CLDN16: variants seen among roughly 807,000 people sequenced by gnomAD.
CLDN16 encodes the protein claudin 16.
In CLDN16, 13 loss-of-function variants were observed where a neutral mutation model predicts 24.6. The ratio of observed to expected loss-of-function variants is 0.53; its 90% CI spans 0.34 to 0.84. CLDN16 has a LOEUF of 0.84. CLDN16 is among the 40% of genes least tolerant of loss of function. The pLI, the probability that CLDN16 is intolerant of heterozygous loss-of-function variation, is 0.01. For synonymous variants in CLDN16, 116 were observed against 106.7 expected (o/e 1.09, Z -0.54); for missense variants, 298 against 292.7 (o/e 1.02, Z -0.13).
intron 1 of CLDN16, among the ~76,000 whole-genome samples, chr3:190,329,829 G>C (rs1717144109): frequency 6.6e-6 from 1 of 152,144 alleles, no homozygotes; most frequent in Non-Finnish European, 1.5e-5. Flanking sequence ...AGGAATCTTA[G>C]AGAGGTATAG....
chr3:190,383,277 C>T (rs1055343048), upstream of CLDN16, among the ~76,000 whole-genome samples: 5 of 152,076 alleles, frequency 3.3e-5, no homozygotes, highest in Admixed American at 6.6e-5. Flanking sequence ...TATGTCACCA[C>T]GGAGGGGGCA....
chr3:190,335,589 G>A (rs1007333985), intron 1 of CLDN16, among the ~76,000 whole-genome samples: 1 of 151,684 alleles, frequency 6.6e-6, no homozygotes, highest in Non-Finnish European at 1.5e-5. Context: ...GTGCATGCCT[G>A]TAGCCCCAGC....
At chr3:190,313,410 A>G in the CLDN16 span, among the ~76,000 whole-genome samples, 1 of 152,220 alleles carries the variant, frequency 6.6e-6, no homozygotes, top group Non-Finnish European at 1.5e-5. Flanking sequence ...AGTAACAATC[A>G]TATATACTAT....
intron 1 of CLDN16, among the ~76,000 whole-genome samples, chr3:190,324,917 C>G (rs1355726010): frequency 6.6e-6 from 1 of 152,162 alleles, no homozygotes; most frequent in Admixed American, 6.5e-5. Context: ...GCACTGAGAC[C>G]AAGAAGGCTC....
At chr3:190,310,815 C>T in the CLDN16 span, among the ~76,000 whole-genome samples, 3 of 152,078 alleles carry the variant, frequency 2.0e-5, no homozygotes, top group South Asian at 2.1e-4. Context: ...TATAGGTTGG[C>T]CTGAGATTTG....
At chr3:190,367,679 C>T (rs1718051541) in intron 1 of CLDN16, among the ~76,000 whole-genome samples, 1 of 151,896 alleles carries the variant, frequency 6.6e-6, no homozygotes, top group African/African-American at 2.4e-5. Context: ...TGCCTTAACT[C>T]TCTGGCCAAA....
the CLDN16 span, among the ~76,000 whole-genome samples, chr3:190,294,452 T>C: frequency 1.3e-5 from 2 of 152,280 alleles, no homozygotes; most frequent in East Asian, 1.9e-4. Context: ...AATTTTAATA[T>C]TGAATGTAAA....
intron 1 of CLDN16, among the ~76,000 whole-genome samples, chr3:190,359,769 A>G (rs1717847847): frequency 6.6e-6 from 1 of 152,006 alleles, no homozygotes; most frequent in Non-Finnish European, 1.5e-5. Context: ...AAGCAGAGAA[A>G]ATGGTTAGAA....
At chr3:190,324,910 C>G (rs1376786050) in intron 1 of CLDN16, among the ~76,000 whole-genome samples, 2 of 152,194 alleles carry the variant, frequency 1.3e-5, no homozygotes, top group Admixed American at 6.5e-5. Context: ...AAAGGCAGCA[C>G]TGAGACCAAG....
intron 3 of CLDN16, among the ~76,000 whole-genome samples, chr3:190,377,221 C>CTGCA (rs1219028250): frequency 6.6e-6 from 1 of 151,978 alleles, no homozygotes; most frequent in Non-Finnish European, 1.5e-5. Context: ...GCATATTGTG[C>CTGCA]TGCATACTTT....
chr3:190,359,208 G>T (rs1215820452), intron 1 of CLDN16, among the ~76,000 whole-genome samples: 2 of 151,970 alleles, frequency 1.3e-5, no homozygotes, highest in African/African-American at 4.8e-5. Flanking sequence ...ATTACAATTT[G>T]TCTTATTTCT....
chr3:190,372,583 G>A (rs1334376472), intron 2 of CLDN16, among the ~76,000 whole-genome samples: 3 of 151,886 alleles, frequency 2.0e-5, no homozygotes, highest in Non-Finnish European at 4.4e-5. Flanking sequence ...GTTTGAGGCT[G>A]CAGTGAGCTG....
chr3:190,355,762 C>A (rs775405812), intron 1 of CLDN16, among the ~76,000 whole-genome samples: 61 of 151,618 alleles, frequency 4.0e-4, no homozygotes, highest in Admixed American at 3.3e-4. Context: ...ATAGCCAATG[C>A]CAGATTACCC....
At chr3:190,331,920 G>A (rs2108623509) in intron 1 of CLDN16, among the ~76,000 whole-genome samples, 1 of 152,250 alleles carries the variant, frequency 6.6e-6, no homozygotes, top group South Asian at 2.1e-4. Flanking sequence ...ATATCCCTTG[G>A]CTCATGGCCA....
chr3:190,392,752 A>G (rs566931477), intron 1 of CLDN16, among the ~76,000 whole-genome samples: 2 of 152,254 alleles, frequency 1.3e-5, no homozygotes, highest in African/African-American at 4.8e-5. Context: ...AGAGCGTTGT[A>G]TGTTTGCGGT....
upstream of CLDN16, chr3:190,322,392 C>T (rs1032256465): frequency 3.3e-5 from 21 of 632,666 alleles, no homozygotes; most frequent in African/African-American, 2.4e-4. Flanking sequence ...CCCGGGGCGG[C>T]GCTGGAGTCT....
intron 1 of CLDN16, among the ~76,000 whole-genome samples, chr3:190,361,528 A>C (rs1487587568): frequency 6.6e-6 from 1 of 151,954 alleles, no homozygotes; most frequent in African/African-American, 2.4e-5. Flanking sequence ...AGGACTAACA[A>C]ATTAGCTACA....
At chr3:190,393,140 C>T (rs1413196256) in intron 1 of CLDN16, among the ~76,000 whole-genome samples, 2 of 152,112 alleles carry the variant, frequency 1.3e-5, no homozygotes, top group Non-Finnish European at 2.9e-5. Context: ...TGAAGAGACA[C>T]AGTCAAAGAT....
intron 1 of CLDN16, among the ~76,000 whole-genome samples, chr3:190,391,977 T>A (rs536437971): frequency 1.4e-4 from 21 of 152,294 alleles, no homozygotes; most frequent in African/African-American, 4.8e-4. Flanking sequence ...TGCCTTCTAT[T>A]AAGCAAGTCA....
Sources: allele counts gnomAD v4.1 joint callset (sites outside exome capture counted in the v4.1 genomes callset), GRCh38; gene constraint gnomAD v4.1.1; transcripts MANE v1.5; gene names NCBI Gene and HGNC (gene_info 2026-07-23, HGNC 2026-07-21).